PTPRB: variants seen among roughly 807,000 people sequenced by gnomAD.
PTPRB encodes the protein receptor-type tyrosine-protein phosphatase beta.
A neutral mutation model predicts 238.1 loss-of-function variants in PTPRB; 97 were observed. That is an observed-to-expected ratio of 0.41 (90% CI 0.35 to 0.48). The LOEUF (loss-of-function observed/expected upper bound fraction) is 0.48, where lower values mean the gene tolerates loss of function less well. PTPRB is among the 20% of genes least tolerant of loss of function. The pLI, the probability that PTPRB is intolerant of heterozygous loss-of-function variation, is 0.30. For missense variants in PTPRB, 2,292 were observed against 2,681.9 expected (o/e 0.85, Z 3.21); for synonymous variants, 970 against 995.4 (o/e 0.97, Z 0.48).
chr12:70,571,192 C>A lies in PTPRB; in HGVS notation c.3204G>T (p.Glu1068Asp), dbSNP rs1171903413. ...SGANGDVDQYEIQLLFNDMKV... is the reference protein window; with the variant it reads ...SGANGDVDQYDIQLLFNDMKV... ...TCATGTCATTGAAGAGCAGCTGGAT[C>A]TCATATTGGTCGACATCCCCATTAG... Residue 1068 changes from glutamate (E) to aspartate (D), a missense_variant, in exon 13 of 34, where the codon GAG becomes GAT. Glu to Asp is a conservative substitution (Grantham distance 45). Coordinates refer to ENST00000334414, the MANE Select transcript of PTPRB (RefSeq NM_001109754.4). 1 of 1,613,872 alleles carries A rather than the reference C, an allele frequency of 6.2e-7. No homozygotes were observed. The highest frequency in any genetic ancestry group is 8.5e-7 in the Non-Finnish European group (1 of 1,179,892).
chr12:70,619,843 T>C (rs1383473114), intron 3 of PTPRB, among the ~76,000 whole-genome samples: 5 of 152,258 alleles, frequency 3.3e-5, no homozygotes, highest in Admixed American at 2.6e-4. Context: ...AGGCATCCTC[T>C]GTCGAGACAG....
intron 4 of PTPRB, among the ~76,000 whole-genome samples, chr12:70,597,643 A>G (rs1399875738): frequency 2.0e-5 from 3 of 152,208 alleles, no homozygotes; most frequent in Non-Finnish European, 4.4e-5. Flanking sequence ...CAGGTCAGAT[A>G]TTATAATGGC....
At chr12:70,605,182 ATAT>A (rs1883843199) in intron 4 of PTPRB, among the ~76,000 whole-genome samples, 1 of 152,176 alleles carries the variant, frequency 6.6e-6, no homozygotes, top group African/African-American at 2.4e-5. Context: ...TGCTTTTAAA[ATAT>A]TATTTCTACA....
intron 11 of PTPRB, among the ~76,000 whole-genome samples, chr12:70,573,505 C>CTTTTTTTTTTTTTTTTTT (rs937307862): frequency 3.3e-5 from 3 of 90,824 alleles, no homozygotes; most frequent in Non-Finnish European, 4.9e-5. Context: ...CTTTTCTTTT[C>CTTTTTTTTTTTTTTTTTT]TTTTTTTTTT....
intron 18 of PTPRB, among the ~76,000 whole-genome samples, chr12:70,557,347 C>T (rs371351535): frequency 2.0e-5 from 3 of 152,158 alleles, no homozygotes; most frequent in Admixed American, 1.3e-4. Context: ...TTTCTGTTAC[C>T]CATAGCCTCA....
At chr12:70,572,176 G>A (rs551702151) in intron 11 of PTPRB, 89 bp from the exon 12 acceptor site, 17 of 1,287,404 alleles carry the variant, frequency 1.3e-5, no homozygotes, top group Non-Finnish European at 1.7e-5. Context: ...TAAAAAGAGA[G>A]AGTAGATTAT....
intron 32 of PTPRB, among the ~76,000 whole-genome samples, chr12:70,525,622 C>G (rs1432128333): frequency 1.3e-5 from 2 of 152,228 alleles, no homozygotes; most frequent in African/African-American, 4.8e-5. Context: ...ACCATAAAGA[C>G]CTCCACTGCC....
intron 29 of PTPRB, among the ~76,000 whole-genome samples, chr12:70,535,333 G>A (rs3109): frequency 0.36 from 53,470 of 150,068 alleles, 9,762 homozygotes; most frequent in East Asian, 0.53. Flanking sequence ...TATCTAGTTG[G>A]GTAGAGGAAG....
At chr12:70,627,535 T>C (rs1297618220) in intron 2 of PTPRB, among the ~76,000 whole-genome samples, 1 of 152,146 alleles carries the variant, frequency 6.6e-6, no homozygotes, top group African/African-American at 2.4e-5. Context: ...CTTTTCTTTT[T>C]TTCAGCAGAG....
intron 32 of PTPRB, among the ~76,000 whole-genome samples, chr12:70,525,848 A>G (rs1872352875): frequency 2.0e-5 from 3 of 152,244 alleles, no homozygotes; most frequent in Non-Finnish European, 4.4e-5. Flanking sequence ...GCTTCTGGGG[A>G]TCCCAGTTTC....
intron 10 of PTPRB, among the ~76,000 whole-genome samples, chr12:70,577,601 ATTAAC>A (rs992402408): frequency 1.3e-5 from 2 of 152,206 alleles, no homozygotes; most frequent in Non-Finnish European, 2.9e-5. Flanking sequence ...TCATTAGTTG[ATTAAC>A]TTAACAGTTT....
chr12:70,603,622 A>T (rs950882620), intron 4 of PTPRB, among the ~76,000 whole-genome samples: 4 of 152,186 alleles, frequency 2.6e-5, no homozygotes, highest in Admixed American at 2.6e-4. Context: ...TCTTATGAAG[A>T]CCAATCTCAT....
chr12:70,609,845 C>A lies in PTPRB; in HGVS notation c.709-506G>T, dbSNP rs749575231. On this transcript the variant is annotated intron_variant, in intron 3 of 33. Coordinates refer to ENST00000334414, the MANE Select transcript of PTPRB (RefSeq NM_001109754.4). ...TCAGTAGTTAAGATCCAGAGGAGAC[C>A]GAGGGGGCTGGACGTGGGACGGCCC... 84 of 1,560,452 alleles carry A rather than the reference C, an allele frequency of 5.4e-5. No homozygotes were observed. In the Middle Eastern group the frequency reaches 6.7e-4, roughly 12 times the overall value.
At chr12:70,579,049 A>G (rs1881088811) in intron 10 of PTPRB, among the ~76,000 whole-genome samples, 1 of 152,200 alleles carries the variant, frequency 6.6e-6, no homozygotes, top group African/African-American at 2.4e-5. Context: ...CAACCAATAG[A>G]GGCATCCAAT....
intron 2 of PTPRB, among the ~76,000 whole-genome samples, chr12:70,626,534 T>A (rs543517589): frequency 6.6e-6 from 1 of 152,064 alleles, no homozygotes; most frequent in Admixed American, 6.6e-5. Flanking sequence ...GTACTGAACA[T>A]GTACAGACAT....
intron 2 of PTPRB, among the ~76,000 whole-genome samples, chr12:70,629,758 A>AG (rs201076566): frequency 0.064 from 9,679 of 152,118 alleles, 350 homozygotes; most frequent in South Asian, 0.14. Context: ...AAAATGATAA[A>AG]GGGATATCAC....
In PTPRB at chr12:70,569,708, G is replaced by C; in HGVS notation, c.3601C>G (p.Leu1201Val). Residue 1201 changes from leucine (L) to valine (V), a missense_variant, in exon 14 of 34, where the codon CTG becomes GTG. By Grantham distance (32) the Leu-to-Val change is conservative (BLOSUM62 1). This residue lies in a region of PTPRB where 683 missense variants were observed against 862.0 expected (regional missense o/e 0.79). Coordinates refer to ENST00000334414, the MANE Select transcript of PTPRB (RefSeq NM_001109754.4). ...QIMIASVSGS[L>V]KNQINVVGRT... is the part of the protein sequence containing the mutation. Reference sequence around the variant, plus strand: ...CCAACCACATTTATCTGATTCTTCAGGGACCCGCTGACTGAGGCAATCATG... The same window carrying C: ...CCAACCACATTTATCTGATTCTTCACGGACCCGCTGACTGAGGCAATCATG... 6.2e-7 allele frequency: 1 copy of C among 1,613,878 alleles called. No homozygotes were observed. The highest frequency in any genetic ancestry group is 8.5e-7 in the Non-Finnish European group (1 of 1,179,868).
At position 70,518,868 on chromosome 12, in the gene PTPRB, T is replaced by C. The variant is rs1447451706; in HGVS notation, c.*2621A>G. On this transcript the variant is annotated 3_prime_UTR_variant, in exon 34 of 34. Transcript: ENST00000334414. Reference sequence around the variant, plus strand: ...CACTTTGAAGTCTTGATGATTAAAGTGTACTGCACAGGTACACAGACAGGA... The same window carrying C: ...CACTTTGAAGTCTTGATGATTAAAGCGTACTGCACAGGTACACAGACAGGA... 3.3e-5 allele frequency: 5 copies of C among 152,120 alleles called. No individual in the cohort carries two copies. The highest frequency in any genetic ancestry group is 1.2e-4 in the African/African-American group (5 of 41,408). The allele number at this position is 152,120 out of a possible 1,614,324, so 9.4% of individuals were successfully genotyped here. A position where few individuals can be genotyped will look rare whatever the true frequency, so the allele number is the denominator to read the frequency against.
chr12:70,593,774 CTTAAAATTAGATAACTTA>C (rs1333451164), intron 6 of PTPRB, among the ~76,000 whole-genome samples: 8 of 149,364 alleles, frequency 5.4e-5, no homozygotes, highest in Non-Finnish European at 1.1e-4. Flanking sequence ...TAGAGTTTCT[CTTAAAATTAGATAACTTA>C]CCAAGAGAGG....
Sources: gnomAD v4.1 joint callset for allele counts (sites outside exome capture counted in the v4.1 genomes callset) on GRCh38, gnomAD v4.1.1 for gene constraint, gnomAD v4.1.1 regional missense constraint, MANE v1.5 for transcripts, NCBI Gene and HGNC (gene_info 2026-07-23, HGNC 2026-07-21) for gene names.